ATL2: variants seen among roughly 807,000 people sequenced by gnomAD.
ATL2 encodes atlastin-2.
In ATL2, 31 loss-of-function variants were observed where a neutral mutation model predicts 73.9. That is an observed-to-expected ratio of 0.42 (90% CI 0.32 to 0.57). The LOEUF (loss-of-function observed/expected upper bound fraction) is 0.57, where lower values mean the gene tolerates loss of function less well. ATL2 is among the 20% of genes least tolerant of loss of function. The pLI is 0.14. For missense variants in ATL2, 738 were observed against 702.6 expected, an observed-to-expected ratio of 1.05 and a Z score of -0.57; for synonymous variants, 291 against 237.5, an observed-to-expected ratio of 1.23 and a Z score of -2.07.
In ATL2 at chr2:38,365,760, G is replaced by C. The variant is rs1271330135; in HGVS notation, c.118+11383C>G. Among the ~76,000 whole-genome samples, 7 of 151,872 alleles carry C rather than the reference G, an allele frequency of 4.6e-5. No individual in the cohort carries two copies. In the East Asian group the frequency reaches 1.4e-3, roughly 29 times the overall value. ...GTTGTAGTGAGCAGAGATCATTCCT[G>C]GGTGACAGAATGAGACTCCATCTCA... On this transcript the variant is annotated intron_variant, in intron 1 of 12. Transcript: ENST00000378954.
intron 1 of ATL2, among the ~76,000 whole-genome samples, chr2:38,349,241 C>T (rs1255233265): frequency 6.6e-6 from 1 of 152,014 alleles, no homozygotes; most frequent in Admixed American, 6.6e-5. Flanking sequence ...CGTTGTGGCA[C>T]TATTCACAAT....
chr2:38,296,642 A>G (rs777729812), intron 12 of ATL2: 4 of 1,597,398 alleles, frequency 2.5e-6, no homozygotes, highest in South Asian at 1.1e-5. Context: ...CCTCGAAGCT[A>G]AAGAGTTTAA....
In ATL2 at chr2:38,315,267, A is replaced by T; in HGVS notation, c.654+17T>A. 6.8e-7 allele frequency: 1 copy of T among 1,477,162 alleles called. No homozygotes were observed. The highest frequency in any genetic ancestry group is 8.9e-7 in the Non-Finnish European group (1 of 1,120,730). 91.5% of individuals were successfully genotyped at this position (1,477,162 alleles called of 1,614,324 possible). A position where few individuals can be genotyped will look rare whatever the true frequency, so the allele number is the denominator to read the frequency against. ...ACTCCATCTCAAAAAATAAAAATTA[A>T]AAAAAGAAATACGTACTTGCAAATG... is the stretch of plus-strand genomic sequence containing the variant. On this transcript the variant is annotated intron_variant, in intron 5 of 12. Coordinates refer to ENST00000378954, the MANE Select transcript of ATL2 (RefSeq NM_001135673.4).
chr2:38,323,940 A>C (rs147712618), intron 2 of ATL2, among the ~76,000 whole-genome samples: 193 of 152,330 alleles, frequency 1.3e-3, no homozygotes, highest in Non-Finnish European at 2.4e-3. Context: ...AAAAGCCATA[A>C]ATCATCACAA....
intron 1 of ATL2, among the ~76,000 whole-genome samples, chr2:38,369,977 C>T (rs1392816306): frequency 6.7e-6 from 1 of 149,062 alleles, no homozygotes; most frequent in Non-Finnish European, 1.5e-5. Flanking sequence ...CGGTGAAACC[C>T]CGTCTCTACT....
At chr2:38,349,642 T>C (rs1479864903) in intron 1 of ATL2, among the ~76,000 whole-genome samples, 3 of 151,490 alleles carry the variant, frequency 2.0e-5, no homozygotes, top group Non-Finnish European at 4.4e-5. Context: ...CTGCACATTG[T>C]GCACATGTAC....
chr2:38,327,986 G>C (rs1012703848), intron 2 of ATL2, among the ~76,000 whole-genome samples: 1 of 152,120 alleles, frequency 6.6e-6, no homozygotes, highest in African/African-American at 2.4e-5. Context: ...CCAACTATAT[G>C]CTATCTATTT....
chr2:38,325,251 C>T (rs1433773102), intron 2 of ATL2, among the ~76,000 whole-genome samples: 1 of 152,146 alleles, frequency 6.6e-6, no homozygotes, highest in Non-Finnish European at 1.5e-5. Flanking sequence ...AATCAATAAA[C>T]TCTCCTTTCT....
Position 38,364,543 on chromosome 2 carries a change from A to T in ATL2, c.118+12600T>A, listed in dbSNP as rs562531106. On this transcript the variant is annotated intron_variant, in intron 1 of 12. Coordinates refer to ENST00000378954, the MANE Select transcript of ATL2 (RefSeq NM_001135673.4). ...ATTCTCTGTGGCCTTAGGCCAAATTATTCCATATTTGTTATATGAAACACT... is the reference window on the plus strand; with the variant it reads ...ATTCTCTGTGGCCTTAGGCCAAATTTTTCCATATTTGTTATATGAAACACT... 1.2e-4 allele frequency among the ~76,000 whole-genome samples: 19 copies of T among 152,366 alleles called. 1 individual carries two copies. In the East Asian group the frequency reaches 3.7e-3, roughly 29 times the overall value.
chr2:38,294,209 G>C lies in ATL2; in HGVS notation c.*1785C>G, dbSNP rs1459373558. On this transcript the variant is annotated 3_prime_UTR_variant, in exon 13 of 13. Transcript: ENST00000378954. ...AGATGTATCAACCAAAGTAAATTCA[G>C]AGTTTTCACACATGCAACTCAACAC... is the stretch of plus-strand genomic sequence containing the variant. Among the ~76,000 whole-genome samples the C allele has an allele frequency of 6.6e-6, 1 of 152,200 alleles. No homozygotes were observed. The highest frequency in any genetic ancestry group is 1.5e-5 in the Non-Finnish European group (1 of 68,036).
At position 38,332,928 on chromosome 2, in the gene ATL2, G is replaced by A. The variant is rs776364393; in HGVS notation, c.363+10340C>T. ...TCTGAAGCCAGGCTCAATGGCACAT[G>A]TCTTGTAAGTCCCAGCTACTTGGGA... On this transcript the variant is annotated intron_variant, in intron 2 of 12. Transcript: ENST00000378954. Among the ~76,000 whole-genome samples the A allele has an allele frequency of 3.3e-5, 5 of 152,324 alleles. No homozygotes were observed. The East Asian group carries it at 9.6e-4, about 29-fold the overall frequency.
intron 8 of ATL2, 77 bp from the exon 9 acceptor site, chr2:38,309,583 G>GAA: frequency 3.5e-6 from 5 of 1,413,296 alleles, no homozygotes; most frequent in South Asian, 1.3e-5. Context: ...ATAAAATTCT[G>GAA]TTTTATGAAA....
intron 1 of ATL2, among the ~76,000 whole-genome samples, chr2:38,346,698 G>T (rs1196845280): frequency 6.6e-6 from 1 of 152,166 alleles, no homozygotes; most frequent in Non-Finnish European, 1.5e-5. Context: ...TGTCACCATG[G>T]GTCTGACAGG....
At position 38,331,437 on chromosome 2, in the gene ATL2, GAAAAAAAAA is replaced by G. The variant is rs34238912; in HGVS notation, c.363+11822_363+11830del. Among the ~76,000 whole-genome samples, 69 of 80,342 alleles carry G rather than the reference GAAAAAAAAA, an allele frequency of 8.6e-4. 3 individuals are homozygous for G. The South Asian group carries it at 0.014, about 16-fold the overall frequency. 52.7% of individuals were successfully genotyped at this position (80,342 alleles called of 152,430 possible). On this transcript the variant is annotated intron_variant, in intron 2 of 12. Transcript: ENST00000378954. The stretch of plus-strand genomic sequence containing the variant: ...GCAACAGAGTGAGACTCTGTCTCAA[GAAAAAAAAA>G]AAAAAAAAAAAAAATTAGCCGGGCA...
chr2:38,370,986 C>T (rs981357546), intron 1 of ATL2, among the ~76,000 whole-genome samples: 8 of 151,336 alleles, frequency 5.3e-5, no homozygotes, highest in African/African-American at 1.9e-4. Context: ...GAAAAAAATA[C>T]AAAAAGATAA....
At chr2:38,348,471 A>G (rs1408362106) in intron 1 of ATL2, among the ~76,000 whole-genome samples, 1 of 152,118 alleles carries the variant, frequency 6.6e-6, no homozygotes, top group Non-Finnish European at 1.5e-5. Context: ...CATCTCAAAA[A>G]AAAAAAAATT....
chr2:38,301,190 G>A (rs541953261), intron 9 of ATL2, among the ~76,000 whole-genome samples: 4 of 152,006 alleles, frequency 2.6e-5, no homozygotes, highest in African/African-American at 4.8e-5. Flanking sequence ...GGCTGGTCTC[G>A]AACTCCCGAC....
chr2:38,303,116 C>G (rs1441155884), intron 9 of ATL2, among the ~76,000 whole-genome samples: 1 of 152,030 alleles, frequency 6.6e-6, no homozygotes, highest in Non-Finnish European at 1.5e-5. Context: ...ATAAAGTGAA[C>G]AAAGAGACTG....
At chr2:38,340,174 G>A (rs1323688550) in intron 2 of ATL2, among the ~76,000 whole-genome samples, 2 of 91,596 alleles carry the variant, frequency 2.2e-5, no homozygotes, top group African/African-American at 1.5e-4. Flanking sequence ...GTTTTGGTGG[G>A]GGGGGGGGGG....
Sources: allele counts gnomAD v4.1 joint callset (sites outside exome capture counted in the v4.1 genomes callset), GRCh38; gene constraint gnomAD v4.1.1; transcripts MANE v1.5; gene names NCBI Gene and HGNC (gene_info 2026-07-23, HGNC 2026-07-21).